LARP4B: variants seen among roughly 807,000 people sequenced by gnomAD.
LARP4B encodes the protein La ribonucleoprotein 4B, also known as la-related protein 4B.
LARP4B carries 12 observed loss-of-function variants against 89.8 expected under a neutral mutation model. The ratio of observed to expected loss-of-function variants is 0.13; its 90% confidence interval spans 0.09 to 0.22. LARP4B has a LOEUF of 0.22. Ranked by LOEUF, LARP4B falls within the 10% of genes least tolerant of loss-of-function variation. The pLI, the probability that LARP4B is intolerant of heterozygous loss-of-function variation, is 1.00. For synonymous variants in LARP4B, 367 were observed against 363.3 expected, an observed-to-expected ratio of 1.01 and a Z score of -0.12; for missense variants, 757 against 947.7, an observed-to-expected ratio of 0.80 and a Z score of 2.64.
At chr10:821,065 G>A (rs889526403) in intron 13 of LARP4B, 1 of 561,388 alleles carries the variant, frequency 1.8e-6, no homozygotes, top group Admixed American at 3.3e-5. Flanking sequence ...GTCCAGGCAA[G>A]TGATAAAGAA....
chr10:930,299 A>T (rs1837261529), intron 1 of LARP4B, among the ~76,000 whole-genome samples: 1 of 152,218 alleles, frequency 6.6e-6, no homozygotes, highest in African/African-American at 2.4e-5. Flanking sequence ...CTCTAGAAAA[A>T]GGCCTCACGC....
At chr10:962,021 G>C in the LARP4B span, among the ~76,000 whole-genome samples, 1 of 152,088 alleles carries the variant, frequency 6.6e-6, no homozygotes, top group Non-Finnish European at 1.5e-5. Context: ...GGCCGGACAT[G>C]GTGGCTCACA....
upstream of LARP4B, among the ~76,000 whole-genome samples, chr10:932,105 C>T (rs1453480699): frequency 2.0e-5 from 3 of 151,854 alleles, no homozygotes; most frequent in Admixed American, 6.5e-5. Context: ...CCTTAAAGAC[C>T]CCTGCCCGCC....
chr10:873,418 C>G, intron 3 of LARP4B: 1 of 985,118 alleles, frequency 1.0e-6, no homozygotes, highest in Non-Finnish European at 1.2e-6. Context: ...TGTATTTTTT[C>G]TTACTCTCAT....
chr10:871,704 A>T (rs1221299715), intron 3 of LARP4B, among the ~76,000 whole-genome samples: 1 of 151,976 alleles, frequency 6.6e-6, no homozygotes, highest in East Asian at 1.9e-4. Flanking sequence ...GCTTCTCTTG[A>T]ATTAGCGTGA....
intron 6 of LARP4B, among the ~76,000 whole-genome samples, chr10:844,774 G>A (rs34318754): frequency 0.11 from 16,729 of 152,044 alleles, 1,179 homozygotes; most frequent in Non-Finnish European, 0.16. Flanking sequence ...TGACCACCGA[G>A]ACCACTGGGG....
upstream of LARP4B, among the ~76,000 whole-genome samples, chr10:935,342 T>C (rs927331122): frequency 6.6e-6 from 1 of 152,162 alleles, no homozygotes; most frequent in Non-Finnish European, 1.5e-5. Context: ...AGCACTTAGG[T>C]CCTAATGGAT....
chr10:982,084 C>A, the LARP4B span, among the ~76,000 whole-genome samples: 1 of 146,850 alleles, frequency 6.8e-6, no homozygotes, highest in African/African-American at 2.5e-5. Flanking sequence ...ACTTCTTCAA[C>A]CTATAGCTTT....
chr10:915,388 A>G lies in LARP4B; in HGVS notation c.-40+16040T>C, dbSNP rs546309154. On this transcript the variant is annotated intron_variant, in intron 1 of 17. Transcript: ENST00000316157. ...AGATGTTCATATAATATTAATGAGG[A>G]TAACAAAAGACTTTTGCTCACCTTT... Among the ~76,000 whole-genome samples, 6 of 152,294 alleles carry G rather than the reference A, an allele frequency of 3.9e-5. No individual in the cohort carries two copies. In the South Asian group the frequency reaches 1.0e-3, roughly 26 times the overall value.
At chr10:920,678 A>G (rs1836954102) in intron 1 of LARP4B, among the ~76,000 whole-genome samples, 1 of 152,146 alleles carries the variant, frequency 6.6e-6, no homozygotes, top group African/African-American at 2.4e-5. Flanking sequence ...AGGTTGAAGC[A>G]CGAGAATCAC....
rs529963345 is a variant in LARP4B at position 900,420 on chromosome 10, CTTTTTTTTTTTTTTTTTTTT to C, written c.-39-14680_-39-14661del. On this transcript the variant is annotated intron_variant, in intron 1 of 17. Coordinates refer to ENST00000316157, the MANE Select transcript of LARP4B (RefSeq NM_015155.3). Reference sequence around the variant, plus strand: ...ATTCTAGGATCGGAAAGAAGGATGTCTTTTTTTTTTTTTTTTTTTTTTTTTTTTTTTTTGAGGTAGGGTCT... The same window carrying C: ...ATTCTAGGATCGGAAAGAAGGATGTCTTTTTTTTTTTTTGAGGTAGGGTCT... Among the ~76,000 whole-genome samples the C allele has an allele frequency of 1.3e-4, 6 of 45,244 alleles. 1 individual carries two copies. In the South Asian group the frequency reaches 5.6e-3, roughly 42 times the overall value. 29.7% of individuals were successfully genotyped at this position (45,244 alleles called of 152,430 possible).
chr10:813,992 AG>A (rs1831883147), intron 17 of LARP4B, among the ~76,000 whole-genome samples: 1 of 152,052 alleles, frequency 6.6e-6, no homozygotes, highest in African/African-American at 2.4e-5. Flanking sequence ...CAGTAGAGAC[AG>A]GGTTTCACCA....
rs774146437 is a variant in LARP4B at position 930,427 on chromosome 10, T to TA, written c.-40+1000dup. On this transcript the variant is annotated intron_variant, in intron 1 of 17. Transcript: ENST00000316157. ...TAAGACAAGTTATTGGGCATCCACT[T>TA]AGAGAATCTCAAACGAAAGCCAGAT... Among the ~76,000 whole-genome samples the TA allele has an allele frequency of 2.0e-5, 3 of 152,212 alleles. No individual in the cohort carries two copies. The East Asian group carries it at 5.8e-4, about 29-fold the overall frequency.
chr10:906,803 A>C (rs1836505056), intron 1 of LARP4B, among the ~76,000 whole-genome samples: 1 of 152,236 alleles, frequency 6.6e-6, no homozygotes, highest in Non-Finnish European at 1.5e-5. Context: ...CCAAGGCAGA[A>C]ACTTGCAAAT....
chr10:937,429 T>C, the LARP4B span, among the ~76,000 whole-genome samples: 4 of 152,350 alleles, frequency 2.6e-5, no homozygotes, highest in Admixed American at 1.3e-4. Flanking sequence ...GGTGAAACTC[T>C]GTTGAGGATA....
intron 3 of LARP4B, among the ~76,000 whole-genome samples, chr10:877,744 A>G (rs1275957876): frequency 6.6e-6 from 1 of 152,220 alleles, no homozygotes; most frequent in Non-Finnish European, 1.5e-5. Flanking sequence ...GATTACCACC[A>G]TATGTGATAT....
At chr10:831,994 G>A (rs1156342832) in intron 8 of LARP4B, among the ~76,000 whole-genome samples, 1 of 152,210 alleles carries the variant, frequency 6.6e-6, no homozygotes, top group Middle Eastern at 3.4e-3. Context: ...AAAAGGTAAA[G>A]ACTGAGCATA....
intron 8 of LARP4B, 61 bp downstream of exon 8, chr10:836,342 C>A (rs961194968): frequency 6.7e-6 from 8 of 1,202,636 alleles, no homozygotes; most frequent in Non-Finnish European, 9.7e-6. Flanking sequence ...AAAATAAAAT[C>A]AAAACCAACA....
chr10:922,021 G>A (rs1836993600), intron 1 of LARP4B, among the ~76,000 whole-genome samples: 1 of 151,946 alleles, frequency 6.6e-6, no homozygotes, highest in African/African-American at 2.4e-5. Context: ...ATCTTTTTTG[G>A]CACCAGGGAC....
Sources: gnomAD v4.1 joint callset for allele counts (sites outside exome capture counted in the v4.1 genomes callset) on GRCh38, gnomAD v4.1.1 for gene constraint, MANE v1.5 for transcripts, NCBI Gene and HGNC (gene_info 2026-07-23, HGNC 2026-07-21) for gene names.